Variants in METTL15 observed in about 807,000 individuals in gnomAD.
METTL15 encodes methyltransferase 15, mitochondrial 12S rRNA N4-cytidine.
Under a neutral mutation model 38.3 loss-of-function variants are expected in METTL15, and 34 were observed. The observed-to-expected ratio is 0.89, with a 90% CI of 0.68 to 1.18. The LOEUF is 1.18. Among genes scored for constraint, METTL15 ranks in the 50% most tolerant of loss-of-function variants. The pLI, the probability that METTL15 is intolerant of heterozygous loss-of-function variation, is 0.00. For missense variants in METTL15, 438 were observed against 498.4 expected, an observed-to-expected ratio of 0.88 and a Z score of 1.15; for synonymous variants, 162 against 170.9, an observed-to-expected ratio of 0.95 and a Z score of 0.41.
intron 4 of METTL15, among the ~76,000 whole-genome samples, chr11:28,263,290 A>G (rs1855283078): frequency 6.6e-6 from 1 of 152,092 alleles, no homozygotes; most frequent in African/African-American, 2.4e-5. Flanking sequence ...AGATGTAATA[A>G]TATAAAATGA....
intron 4 of METTL15, among the ~76,000 whole-genome samples, chr11:28,217,805 T>G (rs1408105498): frequency 1.3e-5 from 2 of 152,206 alleles, no homozygotes; most frequent in Non-Finnish European, 2.9e-5. Context: ...GCACCATTTA[T>G]TAAATAGGGA....
At chr11:28,358,750 C>G (rs1366264914) in intron 4 of METTL15, among the ~76,000 whole-genome samples, 1 of 152,152 alleles carries the variant, frequency 6.6e-6, no homozygotes, top group Non-Finnish European at 1.5e-5. Context: ...CATGGAATCT[C>G]ACACAGTAAA....
intron 3 of METTL15, among the ~76,000 whole-genome samples, chr11:28,195,279 A>G (rs1353919601): frequency 6.6e-6 from 1 of 152,106 alleles, no homozygotes; most frequent in East Asian, 1.9e-4. Flanking sequence ...TACTTCTTTG[A>G]GAAATCTCCA....
chr11:28,410,628 A>C (rs1305534769), intron 5 of METTL15: 1 of 152,124 alleles, frequency 6.6e-6, no homozygotes, highest in Admixed American at 6.5e-5. Context: ...TTTCTAACAT[A>C]ATAAAGCCCA....
intron 3 of METTL15, among the ~76,000 whole-genome samples, chr11:28,138,085 A>G (rs1849574051): frequency 6.6e-6 from 1 of 151,676 alleles, no homozygotes; most frequent in South Asian, 2.1e-4. Context: ...ATCCAATTTT[A>G]ATTGCTGGAG....
At chr11:28,146,870 T>A (rs561352041) in intron 3 of METTL15, among the ~76,000 whole-genome samples, 18 of 152,072 alleles carry the variant, frequency 1.2e-4, no homozygotes, top group African/African-American at 4.3e-4. Context: ...ATGACGTTTT[T>A]AAAAGTCTTT....
chr11:28,330,267 T>A, intron 6 of METTL15, 129 bp from the exon 7 acceptor site: 1 of 804,236 alleles, frequency 1.2e-6, no homozygotes, highest in Admixed American at 3.2e-5. Context: ...ATGAATGAAG[T>A]GCCACCACAA....
chr11:28,236,563 A>G (rs1853987785), intron 4 of METTL15, among the ~76,000 whole-genome samples: 1 of 152,274 alleles, frequency 6.6e-6, no homozygotes, highest in East Asian at 1.9e-4. Flanking sequence ...GGAATTTGCC[A>G]GTCTCTGTCT....
At chr11:28,146,962 G>T (rs893405990) in intron 3 of METTL15, among the ~76,000 whole-genome samples, 38 of 151,806 alleles carry the variant, frequency 2.5e-4, no homozygotes, top group African/African-American at 9.2e-4. Context: ...TGCAAAGAGG[G>T]ATTGATTAGG....
intron 6 of METTL15, among the ~76,000 whole-genome samples, chr11:28,310,492 C>T (rs1251713219): frequency 1.3e-5 from 2 of 152,070 alleles, no homozygotes; most frequent in African/African-American, 4.8e-5. Context: ...TCTGTGATTC[C>T]TATACCTCCT....
chr11:28,525,491 T>C (rs1056400786), intron 6 of METTL15, among the ~76,000 whole-genome samples: 3 of 152,072 alleles, frequency 2.0e-5, no homozygotes, highest in African/African-American at 7.2e-5. Context: ...AGAGTGCCGA[T>C]TGGTGAATTC....
intron 6 of METTL15, among the ~76,000 whole-genome samples, chr11:28,321,049 C>T (rs1353370852): frequency 1.3e-5 from 2 of 152,106 alleles, no homozygotes; most frequent in Non-Finnish European, 2.9e-5. Context: ...TTATCTTACC[C>T]GCTCTCCATT....
intron 6 of METTL15, among the ~76,000 whole-genome samples, chr11:28,458,209 T>C (rs146310579): frequency 6.6e-6 from 1 of 152,348 alleles, no homozygotes; most frequent in Non-Finnish European, 1.5e-5. Flanking sequence ...GAGCCTCATC[T>C]TCAGTTTTCT....
At chr11:28,347,837 T>G (rs1850008793) in intron 3 of METTL15, among the ~76,000 whole-genome samples, 1 of 152,226 alleles carries the variant, frequency 6.6e-6, no homozygotes. Context: ...GTTATCTCCT[T>G]TAGTAAGCCT....
At chr11:28,128,793 T>TA in intron 3 of METTL15, among the ~76,000 whole-genome samples, 1 of 152,268 alleles carries the variant, frequency 6.6e-6, no homozygotes, top group Non-Finnish European at 1.5e-5. Context: ...CTTTATTATT[T>TA]AATTAGTCTT....
At chr11:28,390,882 G>A (rs1295702384) in intron 5 of METTL15, among the ~76,000 whole-genome samples, 1 of 152,090 alleles carries the variant, frequency 6.6e-6, no homozygotes, top group Non-Finnish European at 1.5e-5. Flanking sequence ...TCTTCCATTT[G>A]TTTGTATCCT....
intron 6 of METTL15, among the ~76,000 whole-genome samples, chr11:28,438,150 A>T (rs1250134208): frequency 6.6e-6 from 1 of 152,240 alleles, no homozygotes; most frequent in Non-Finnish European, 1.5e-5. Context: ...GTTAATGGTA[A>T]TTCCTTAGAA....
chr11:28,391,298 G>A (rs1850503902), intron 5 of METTL15, among the ~76,000 whole-genome samples: 1 of 152,024 alleles, frequency 6.6e-6, no homozygotes, highest in South Asian at 2.1e-4. Flanking sequence ...GGGCATCCGT[G>A]TCTTGTGCCA....
chr11:28,112,767 G>A (rs1183402504), intron 2 of METTL15, among the ~76,000 whole-genome samples: 2 of 152,126 alleles, frequency 1.3e-5, no homozygotes, highest in African/African-American at 4.8e-5. Context: ...CGGACTGATA[G>A]ACTGATTATC....
Sources: gnomAD v4.1 joint callset for allele counts (sites outside exome capture counted in the v4.1 genomes callset) on GRCh38, gnomAD v4.1.1 for gene constraint, MANE v1.5 for transcripts, NCBI Gene and HGNC (gene_info 2026-07-23, HGNC 2026-07-21) for gene names.